ADAM32: variants seen among roughly 807,000 people sequenced by gnomAD.
ADAM32 encodes disintegrin and metalloproteinase domain-containing protein 32.
A neutral mutation model predicts 114.9 loss-of-function variants in ADAM32; 89 were observed. The observed-to-expected ratio is 0.77, with a 90% CI of 0.65 to 0.92. ADAM32 has a LOEUF of 0.92. Ranked by LOEUF, ADAM32 falls within the 40% of genes least tolerant of loss-of-function variation. The pLI is 0.00. For missense variants in ADAM32, 870 were observed against 932.8 expected (o/e 0.93, Z 0.88); for synonymous variants, 285 against 307.5 (o/e 0.93, Z 0.77).
At chr8:39,283,403 T>A in intron 23 of ADAM32, among the ~76,000 whole-genome samples, 183 bp from the exon 24 acceptor site, 1 of 106,236 alleles carries the variant, frequency 9.4e-6, no homozygotes, top group African/African-American at 3.8e-5. Flanking sequence ...AAAGTGAAAC[T>A]CCATCTCTAA....
At chr8:39,145,698 TA>T (rs749274963) in intron 3 of ADAM32, among the ~76,000 whole-genome samples, 1 of 152,086 alleles carries the variant, frequency 6.6e-6, no homozygotes, top group South Asian at 2.1e-4. Context: ...TTTATTTATT[TA>T]TTTTTTTGTT....
At chr8:39,242,115 G>A (rs1810601367) in intron 16 of ADAM32, among the ~76,000 whole-genome samples, 1 of 152,136 alleles carries the variant, frequency 6.6e-6, no homozygotes, top group African/African-American at 2.4e-5. Flanking sequence ...CATAGTAAGA[G>A]CCACATTTGC....
intron 6 of ADAM32, among the ~76,000 whole-genome samples, chr8:39,156,238 C>T (rs775751651): frequency 6.6e-6 from 1 of 152,084 alleles, no homozygotes; most frequent in Admixed American, 6.5e-5. Context: ...TCCTTTACCT[C>T]CTAAGCACAG....
At chr8:39,248,350 C>T (rs1433147074) in intron 17 of ADAM32, among the ~76,000 whole-genome samples, 2 of 151,940 alleles carry the variant, frequency 1.3e-5, no homozygotes, top group Admixed American at 6.6e-5. Context: ...TTATTTAGTC[C>T]TTTTTTATTT....
At chr8:39,161,669 CGG>C (rs1804515932) in intron 7 of ADAM32, among the ~76,000 whole-genome samples, 1 of 152,112 alleles carries the variant, frequency 6.6e-6, no homozygotes, top group South Asian at 2.1e-4. Flanking sequence ...AATACCACAG[CGG>C]GTATGACTAA....
At chr8:39,123,240 T>C (rs978182190) in intron 2 of ADAM32, among the ~76,000 whole-genome samples, 1 of 152,238 alleles carries the variant, frequency 6.6e-6, no homozygotes, top group African/African-American at 2.4e-5. Context: ...CTCATTGCTT[T>C]GATTATTGTG....
At chr8:39,250,812 C>A (rs974808451) in intron 17 of ADAM32, among the ~76,000 whole-genome samples, 1 of 151,858 alleles carries the variant, frequency 6.6e-6, no homozygotes, top group Non-Finnish European at 1.5e-5. Context: ...ATTAATCAAC[C>A]TCTCTTCATC....
intron 2 of ADAM32, among the ~76,000 whole-genome samples, chr8:39,126,935 T>A (rs2129444662): frequency 6.6e-6 from 1 of 152,298 alleles, no homozygotes; most frequent in East Asian, 1.9e-4. Flanking sequence ...ATCATGTGGT[T>A]TTTGTCTTTA....
intron 14 of ADAM32, among the ~76,000 whole-genome samples, chr8:39,225,324 C>T (rs563234103): frequency 6.6e-6 from 1 of 152,294 alleles, no homozygotes; most frequent in African/African-American, 2.4e-5. Flanking sequence ...CCATCTGCTC[C>T]ACAAACACCC....
chr8:39,185,355 A>AAAAACAG (rs1272901306), intron 10 of ADAM32, among the ~76,000 whole-genome samples: 6 of 151,918 alleles, frequency 3.9e-5, no homozygotes, highest in Non-Finnish European at 8.8e-5. Flanking sequence ...AAAAAAAACA[A>AAAAACAG]AAAACAAACA....
chr8:39,108,725 G>A (rs996037990), intron 1 of ADAM32, among the ~76,000 whole-genome samples: 3 of 152,112 alleles, frequency 2.0e-5, no homozygotes, highest in Non-Finnish European at 2.9e-5. Flanking sequence ...GTAAATTTTT[G>A]AGAACTCTTC....
chr8:39,205,126 C>T (rs1351020533), intron 11 of ADAM32, among the ~76,000 whole-genome samples: 1 of 152,228 alleles, frequency 6.6e-6, no homozygotes, highest in Non-Finnish European at 1.5e-5. Context: ...AAACTCCATG[C>T]TGGGAGAACT....
chr8:39,262,536 T>G (rs1418603288), intron 19 of ADAM32, among the ~76,000 whole-genome samples: 1 of 152,160 alleles, frequency 6.6e-6, no homozygotes, highest in Non-Finnish European at 1.5e-5. Flanking sequence ...GGGCCTTTTG[T>G]AGTTGGGAGT....
chr8:39,158,475 T>A, intron 6 of ADAM32: 1 of 263,922 alleles, frequency 3.8e-6, no homozygotes, highest in South Asian at 4.6e-5. Flanking sequence ...TCCACAATGG[T>A]CATAGCCTCT....
chr8:39,108,110 C>T (rs1022726316), intron 1 of ADAM32: 1 of 376,406 alleles, frequency 2.7e-6, no homozygotes, highest in Non-Finnish European at 4.7e-6. Context: ...CAGCAAGACC[C>T]CATCTCTACA....
chr8:39,160,843 G>C (rs2129446000), intron 6 of ADAM32, 54 bp from the exon 7 acceptor site: 1 of 1,444,266 alleles, frequency 6.9e-7, no homozygotes, highest in South Asian at 1.4e-5. Context: ...AAGAGTTCAA[G>C]TAAAAAAATT....
chr8:39,270,984 ATTTCCAATTTT>A, intron 20 of ADAM32, 70 bp downstream of exon 20: 1 of 1,455,280 alleles, frequency 6.9e-7, no homozygotes, highest in Non-Finnish European at 9.4e-7. Flanking sequence ...TTCACAATTT[ATTTCCAATTTT>A]TTTTTGAACA....
chr8:39,151,847 A>G (rs1024751282), intron 6 of ADAM32, among the ~76,000 whole-genome samples: 1 of 151,184 alleles, frequency 6.6e-6, no homozygotes, highest in Non-Finnish European at 1.5e-5. Context: ...GTAGAGACAG[A>G]GTCTCTACAA....
At chr8:39,274,167 C>A in intron 20 of ADAM32, 145 bp from the exon 21 acceptor site, 2 of 764,510 alleles carry the variant, frequency 2.6e-6, no homozygotes, top group Non-Finnish European at 4.4e-6. Flanking sequence ...CATCTATGTT[C>A]AGTGACCTTT....
Sources: gnomAD v4.1 joint callset for allele counts (sites outside exome capture counted in the v4.1 genomes callset) on GRCh38, gnomAD v4.1.1 for gene constraint, MANE v1.5 for transcripts, NCBI Gene and HGNC (gene_info 2026-07-23, HGNC 2026-07-21) for gene names.